Variants in SAMTOR observed in about 807,000 individuals in gnomAD.
SAMTOR encodes S-adenosylmethionine sensor upstream of mTORC1.
chr7:112,844,831 T>G, the SAMTOR span, among the ~76,000 whole-genome samples: 1 of 152,106 alleles, frequency 6.6e-6, no homozygotes, highest in African/African-American at 2.4e-5. Flanking sequence ...GTCATCACAT[T>G]ATCCAACTTC....
At chr7:112,895,616 T>C in the SAMTOR span, 1 of 1,581,836 alleles carries the variant, frequency 6.3e-7, no homozygotes, top group Non-Finnish European at 8.6e-7. Flanking sequence ...TTAAATGACC[T>C]TCAAGTTGAG....
At chr7:112,844,977 C>CA in the SAMTOR span, among the ~76,000 whole-genome samples, 1 of 152,050 alleles carries the variant, frequency 6.6e-6, no homozygotes, top group East Asian at 1.9e-4. Context: ...ACAAAGCTGA[C>CA]AAAAACAAGC....
chr7:112,909,343 G>A, the SAMTOR span, among the ~76,000 whole-genome samples: 1 of 152,212 alleles, frequency 6.6e-6, no homozygotes, highest in Non-Finnish European at 1.5e-5. Context: ...GGTAACAGAG[G>A]CAGGTGTAAA....
chr7:112,936,825 A>G, the SAMTOR span, among the ~76,000 whole-genome samples: 5 of 152,046 alleles, frequency 3.3e-5, no homozygotes, highest in Admixed American at 6.5e-5. Flanking sequence ...TACCTATCCT[A>G]TGGATCATCC....
chr7:112,900,308 G>C, the SAMTOR span, among the ~76,000 whole-genome samples: 2 of 152,132 alleles, frequency 1.3e-5, no homozygotes, highest in East Asian at 3.9e-4. Context: ...AAAGGCTTGA[G>C]AACCATTTTA....
the SAMTOR span, among the ~76,000 whole-genome samples, chr7:112,879,162 T>C: frequency 6.6e-6 from 1 of 150,392 alleles, no homozygotes; most frequent in Non-Finnish European, 1.5e-5. Context: ...GATATTTCAC[T>C]GGCACAAAAA....
chr7:112,842,096 T>C, the SAMTOR span, among the ~76,000 whole-genome samples: 1 of 152,036 alleles, frequency 6.6e-6, no homozygotes, highest in South Asian at 2.1e-4. Flanking sequence ...TGATTTTTAC[T>C]ATAAGCAATT....
chr7:112,851,740 T>C, the SAMTOR span, among the ~76,000 whole-genome samples: 5 of 152,096 alleles, frequency 3.3e-5, no homozygotes, highest in African/African-American at 9.7e-5. Flanking sequence ...GAGAAAATAT[T>C]TGCAAACTGT....
chr7:112,895,492 T>A, the SAMTOR span: 1 of 1,055,676 alleles, frequency 9.5e-7, no homozygotes, highest in South Asian at 2.8e-5. Flanking sequence ...AACTGCTCAC[T>A]GTTTAGTATG....
chr7:112,880,957 C>G, the SAMTOR span, among the ~76,000 whole-genome samples: 1 of 152,104 alleles, frequency 6.6e-6, no homozygotes, highest in Non-Finnish European at 1.5e-5. Context: ...GGTGGAAGAC[C>G]CTTCCTCTCC....
the SAMTOR span, among the ~76,000 whole-genome samples, chr7:112,883,811 C>T: frequency 2.0e-5 from 3 of 152,226 alleles, no homozygotes; most frequent in Non-Finnish European, 4.4e-5. Context: ...TATTTTCCTT[C>T]TATTTTACAA....
the SAMTOR span, among the ~76,000 whole-genome samples, chr7:112,919,504 C>A: frequency 1.3e-5 from 2 of 151,686 alleles, no homozygotes; most frequent in African/African-American, 4.8e-5. Context: ...CAGGAAAGAT[C>A]CAAAATTGAC....
the SAMTOR span, among the ~76,000 whole-genome samples, chr7:112,912,341 G>T: frequency 1.3e-5 from 2 of 151,830 alleles, no homozygotes; most frequent in Non-Finnish European, 2.9e-5. Context: ...CCTGTATATT[G>T]CATTTTTTTC....
the SAMTOR span, among the ~76,000 whole-genome samples, chr7:112,918,900 G>C: frequency 2.6e-5 from 4 of 152,138 alleles, no homozygotes; most frequent in Non-Finnish European, 5.9e-5. Context: ...AGAGCTAACT[G>C]TCCTAAATGT....
chr7:112,930,527 CAAAA>C, the SAMTOR span, among the ~76,000 whole-genome samples: 14 of 75,448 alleles, frequency 1.9e-4, 1 homozygote, highest in Admixed American at 1.4e-4. Context: ...GCAAAAGGGG[CAAAA>C]AAAAAAAAAA....
the SAMTOR span, among the ~76,000 whole-genome samples, chr7:112,857,117 G>A: frequency 8.2e-4 from 100 of 121,784 alleles, no homozygotes; most frequent in Non-Finnish European, 1.1e-4. Flanking sequence ...ACGGAGTCTC[G>A]CCTGTCGCCC....
the SAMTOR span, among the ~76,000 whole-genome samples, chr7:112,841,342 G>GA: frequency 6.6e-6 from 1 of 152,054 alleles, no homozygotes; most frequent in South Asian, 2.1e-4. Context: ...TTGCTACAAA[G>GA]AAAATAAAAT....
At chr7:112,878,050 C>T in the SAMTOR span, among the ~76,000 whole-genome samples, 9 of 152,214 alleles carry the variant, frequency 5.9e-5, no homozygotes, top group Middle Eastern at 3.4e-3. Flanking sequence ...ATGGCTAAAC[C>T]GAAAATGGCT....
the SAMTOR span, among the ~76,000 whole-genome samples, chr7:112,850,957 C>G: frequency 1.3e-5 from 2 of 152,138 alleles, no homozygotes; most frequent in African/African-American, 4.8e-5. Context: ...AAATCAAGAA[C>G]TCAATCCCAT....
Sources: allele counts gnomAD v4.1 joint callset (sites outside exome capture counted in the v4.1 genomes callset), GRCh38; gene constraint gnomAD v4.1.1; transcripts MANE v1.5; gene names NCBI Gene and HGNC (gene_info 2026-07-23, HGNC 2026-07-21).